Variants in ITGB6 observed in about 807,000 individuals in gnomAD.
The protein encoded by ITGB6 is integrin subunit beta 6.
Under a neutral mutation model 84.5 loss-of-function variants are expected in ITGB6, and 80 were observed. The observed-to-expected ratio is 0.95, with a 90% confidence interval of 0.79 to 1.14. ITGB6 has a LOEUF of 1.14. ITGB6 is among the 50% of genes most tolerant of loss of function. ITGB6 has a pLI of 0.00. For synonymous variants in ITGB6, 383 were observed against 354.9 expected (o/e 1.08, Z -0.89); for missense variants, 1,006 against 968.0 (o/e 1.04, Z -0.52).
chr2:160,140,397 G>C (rs931461931), intron 8 of ITGB6, among the ~76,000 whole-genome samples: 1 of 152,194 alleles, frequency 6.6e-6, no homozygotes, highest in Admixed American at 6.5e-5. Context: ...CATAACCTCT[G>C]GCAGAGCAAG....
At chr2:160,182,992 G>A (rs1194541183) in intron 4 of ITGB6, among the ~76,000 whole-genome samples, 1 of 152,112 alleles carries the variant, frequency 6.6e-6, no homozygotes, top group Non-Finnish European at 1.5e-5. Context: ...CCTGAAGGAA[G>A]CACTAAATAT....
At chr2:160,171,945 CAT>C (rs1412697595) in intron 6 of ITGB6, among the ~76,000 whole-genome samples, 2 of 152,152 alleles carry the variant, frequency 1.3e-5, no homozygotes, top group Admixed American at 6.5e-5. Flanking sequence ...GAGGGAATAA[CAT>C]GTGCACAAGC....
intron 6 of ITGB6, 106 bp from the exon 7 acceptor site, chr2:160,169,413 C>G: frequency 1.6e-6 from 1 of 628,380 alleles, no homozygotes; most frequent in Non-Finnish European, 2.8e-6. Flanking sequence ...TTTCAATGCT[C>G]ACAGGCATTA....
chr2:160,172,786 G>C, intron 5 of ITGB6, 56 bp from the exon 6 acceptor site: 1 of 1,387,672 alleles, frequency 7.2e-7, no homozygotes, highest in Non-Finnish European at 1.0e-6. Flanking sequence ...CATTTATTGA[G>C]TGTGGATCAA....
intron 3 of ITGB6, among the ~76,000 whole-genome samples, chr2:160,195,946 C>T (rs2105898372): frequency 6.6e-6 from 1 of 152,184 alleles, no homozygotes; most frequent in South Asian, 2.1e-4. Context: ...ACATTACAAC[C>T]CTTGAAGAAA....
Position 160,174,150 on chromosome 2 carries a change from A to G in ITGB6, c.594-11T>C. ...AAGTATGGAATACTACTGCAAAAGT[A>G]AGATGCAAAAATACTGTTGATGAAA... On this transcript the variant is annotated splice_polypyrimidine_tract_variant and intron_variant, in intron 4 of 14. Coordinates refer to ENST00000283249, the MANE Select transcript of ITGB6 (RefSeq NM_000888.5). The G allele has an allele frequency of 1.3e-6, 2 of 1,581,922 alleles. No individual in the cohort carries two copies. The highest frequency in any genetic ancestry group is 1.7e-6 in the Non-Finnish European group (2 of 1,162,742).
chr2:160,155,119 C>G (rs1170718948), intron 7 of ITGB6, among the ~76,000 whole-genome samples: 1 of 152,216 alleles, frequency 6.6e-6, no homozygotes, highest in Non-Finnish European at 1.5e-5. Context: ...GCCATGCTTC[C>G]TGTACAGCCT....
intron 4 of ITGB6, among the ~76,000 whole-genome samples, chr2:160,174,792 G>A (rs948448548): frequency 6.6e-6 from 1 of 152,186 alleles, no homozygotes; most frequent in African/African-American, 2.4e-5. Context: ...TTGAAAGCAA[G>A]TTTCTAGCTG....
At chr2:160,134,739 G>A (rs1026875605) in intron 10 of ITGB6, among the ~76,000 whole-genome samples, 5 of 152,214 alleles carry the variant, frequency 3.3e-5, no homozygotes, top group African/African-American at 1.2e-4. Context: ...TGGGATGCAA[G>A]GCTGATTCAA....
At chr2:160,140,349 T>C (rs1228221106) in intron 8 of ITGB6, among the ~76,000 whole-genome samples, 5 of 152,230 alleles carry the variant, frequency 3.3e-5, no homozygotes, top group Non-Finnish European at 7.3e-5. Flanking sequence ...TCAACTACCC[T>C]GTAAGTTGCG....
chr2:160,130,050 T>C (rs2357773), intron 10 of ITGB6, among the ~76,000 whole-genome samples: 119,616 of 151,730 alleles, frequency 0.79, 48,096 homozygotes, highest in African/African-American at 0.95. Flanking sequence ...ATAGAGTATA[T>C]GTACACAAAC....
At chr2:160,110,638 G>A (rs1354614203) in intron 13 of ITGB6, among the ~76,000 whole-genome samples, 1 of 152,162 alleles carries the variant, frequency 6.6e-6, no homozygotes, top group East Asian at 1.9e-4. Flanking sequence ...GAAGCCACCT[G>A]TGTCCACAAG....
At chr2:160,157,748 C>CAAAAAAAAAAA (rs11364475) in intron 7 of ITGB6, among the ~76,000 whole-genome samples, 2 of 84,142 alleles carry the variant, frequency 2.4e-5, no homozygotes, top group Admixed American at 1.4e-4. Flanking sequence ...AGCACAGAGG[C>CAAAAAAAAAAA]AAAAAAAAAA....
chr2:160,168,639 C>A (rs1685093634), intron 7 of ITGB6, among the ~76,000 whole-genome samples: 1 of 152,158 alleles, frequency 6.6e-6, no homozygotes, highest in Non-Finnish European at 1.5e-5. Context: ...CTAATGAAAC[C>A]ATTCCCTTTT....
At chr2:160,187,313 A>G (rs1052560258) in intron 4 of ITGB6, among the ~76,000 whole-genome samples, 4 of 152,230 alleles carry the variant, frequency 2.6e-5, no homozygotes, top group African/African-American at 9.6e-5. Flanking sequence ...AAAAAAATCC[A>G]TTCAAAATGA....
rs1451914455 is a variant in ITGB6, at chr2:160,152,711, C to A, written c.1018-10640G>T. Reference sequence around the variant, plus strand: ...TATCTAGAAAACCCCATCATCTCAGCCCAAAATCTCCTTAAGCTGATAAGC... The same window carrying A: ...TATCTAGAAAACCCCATCATCTCAGACCAAAATCTCCTTAAGCTGATAAGC... On this transcript the variant is annotated intron_variant, in intron 7 of 14. Transcript: ENST00000283249. Among the ~76,000 whole-genome samples the A allele has an allele frequency of 2.0e-5, 3 of 152,138 alleles. No individual in the cohort carries two copies. In the East Asian group the frequency reaches 5.8e-4, roughly 29 times the overall value.
In ITGB6 at chr2:160,172,775, G is replaced by A. The variant is rs369824067; in HGVS notation, c.760-45C>T. The A allele has an allele frequency of 5.4e-6, 8 of 1,493,924 alleles. No homozygotes were observed. In the Middle Eastern group the frequency reaches 6.9e-4, roughly 129 times the overall value. 92.5% of individuals were successfully genotyped at this position (1,493,924 alleles called of 1,614,324 possible). A position where few individuals can be genotyped will look rare whatever the true frequency, so the allele number is the denominator to read the frequency against. ...TTTGTGTGATATTGGAGGGAGGCAG[G>A]CATTTATTGAGTGTGGATCAATTAT... On this transcript the variant is annotated intron_variant, in intron 5 of 14. Transcript: ENST00000283249.
At chr2:160,125,287 C>A (rs1683194486) in intron 11 of ITGB6, among the ~76,000 whole-genome samples, 1 of 152,224 alleles carries the variant, frequency 6.6e-6, no homozygotes, top group Non-Finnish European at 1.5e-5. Flanking sequence ...AAAATGGACT[C>A]ATCTCAAAAC....
At chr2:160,190,738 C>T (rs564811555) in intron 4 of ITGB6, among the ~76,000 whole-genome samples, 13 of 152,180 alleles carry the variant, frequency 8.5e-5, no homozygotes, top group East Asian at 3.9e-4. Flanking sequence ...ACTTGAAGCC[C>T]GATTAAGGAC....
Sources: gnomAD v4.1 joint callset for allele counts (sites outside exome capture counted in the v4.1 genomes callset) on GRCh38, gnomAD v4.1.1 for gene constraint, MANE v1.5 for transcripts, NCBI Gene and HGNC (gene_info 2026-07-23, HGNC 2026-07-21) for gene names.